RARA: variants seen among roughly 807,000 people sequenced by gnomAD.
RARA encodes PML-DDX5-RARA fusion.
RARA carries 5 observed loss-of-function variants against 42.8 expected under a neutral mutation model. The observed-to-expected ratio is 0.12, with a 90% confidence interval of 0.06 to 0.25. The LOEUF (loss-of-function observed/expected upper bound fraction) is 0.25, where lower values mean the gene tolerates loss of function less well. Ranked by LOEUF, RARA falls within the 10% of genes least tolerant of loss-of-function variation. The pLI is 1.00. For missense variants in RARA, 402 were observed against 628.7 expected, an observed-to-expected ratio of 0.64 and a Z score of 3.86; for synonymous variants, 256 against 259.5, an observed-to-expected ratio of 0.99 and a Z score of 0.13.
chr17:40,313,579 G>GT, intron 1 of RARA, among the ~76,000 whole-genome samples: 1 of 152,236 alleles, frequency 6.6e-6, no homozygotes, highest in East Asian at 1.9e-4. Context: ...GTAGCCACAC[G>GT]TGGTGCATCT....
chr17:40,342,484 G>C, intron 2 of RARA: 1 of 1,280,134 alleles, frequency 7.8e-7, no homozygotes, highest in Non-Finnish European at 9.9e-7. Flanking sequence ...CCCCCTCCCA[G>C]CACACACAAC....
chr17:40,310,998 C>T (rs2033084152), intron 1 of RARA, among the ~76,000 whole-genome samples: 1 of 152,110 alleles, frequency 6.6e-6, no homozygotes, highest in African/African-American at 2.4e-5. Context: ...TAGCTGTTAC[C>T]AGAGCACCTG....
chr17:40,343,035 T>C, intron 2 of RARA: 1 of 1,341,964 alleles, frequency 7.5e-7, no homozygotes, highest in Non-Finnish European at 9.7e-7. Context: ...GGCCGCACCC[T>C]CCCCCCAGTA....
At chr17:40,350,059 G>A in intron 4 of RARA, 134 bp downstream of exon 4, 2 of 1,360,246 alleles carry the variant, frequency 1.5e-6, no homozygotes, top group South Asian at 1.5e-5. Flanking sequence ...CGGGCTCACG[G>A]TTGAGGATGG....
chr17:40,321,680 A>G (rs2033384864), intron 1 of RARA, among the ~76,000 whole-genome samples: 1 of 152,108 alleles, frequency 6.6e-6, no homozygotes, highest in Admixed American at 6.5e-5. Context: ...TCCAGGCACC[A>G]CTGTCAGCCT....
chr17:40,342,490 A>G (rs1055992078), intron 2 of RARA: 114 of 1,291,980 alleles, frequency 8.8e-5, no homozygotes, highest in Admixed American at 1.6e-4. Context: ...CCCAGCACAC[A>G]CAACTTCCCT....
intron 2 of RARA, among the ~76,000 whole-genome samples, chr17:40,336,867 T>G (rs1806365329): frequency 6.6e-6 from 1 of 151,986 alleles, no homozygotes; most frequent in Non-Finnish European, 1.5e-5. Context: ...AGCTAATTTT[T>G]GTATTTTTAG....
chr17:40,352,156 C>T lies in RARA; in HGVS notation c.630+86C>T. On this transcript the variant is annotated intron_variant, in intron 5 of 8. Transcript: ENST00000254066. This position sits in a 1 kb window ranked among gnomAD's most constrained non-coding sequence, Gnocchi z 4.9. ...CCCCTCTCAGGCACCCCTTCTTGTG[C>T]CAGGCAAGATCTCTGCGTCCTTCCC... is the stretch of plus-strand genomic sequence containing the variant. The T allele has an allele frequency of 2.0e-6, 3 of 1,469,214 alleles. No homozygotes were observed. Among genetic ancestry groups the T allele is most frequent in the Non-Finnish European group, 2.7e-6 (3 of 1,114,630 alleles). 91.0% of individuals were successfully genotyped at this position (1,469,214 alleles called of 1,614,324 possible).
At position 40,354,851 on chromosome 17, in the gene RARA, T is replaced by C. The variant is rs1313564856; in HGVS notation, c.1012+345T>C. Among the ~76,000 whole-genome samples, 1 of 152,176 alleles carries C rather than the reference T, an allele frequency of 6.6e-6. No individual in the cohort carries two copies. The highest frequency in any genetic ancestry group is 1.5e-5 in the Non-Finnish European group (1 of 68,034). On this transcript the variant is annotated intron_variant, in intron 7 of 8. Transcript: ENST00000254066. This position sits in a 1 kb window ranked among gnomAD's most constrained non-coding sequence, Gnocchi z 4.5. Reference sequence around the variant, plus strand: ...CTAGCTCATGAAGTTGATGGGAGGATTACGGTGGTAACAGATACTGTGCAG... The same window carrying C: ...CTAGCTCATGAAGTTGATGGGAGGACTACGGTGGTAACAGATACTGTGCAG...
Position 40,354,537 on chromosome 17 carries a change from GC to G in RARA, c.1012+32del. The G allele has an allele frequency of 6.3e-7, 1 of 1,598,832 alleles. No individual in the cohort carries two copies. Among genetic ancestry groups the G allele is most frequent in the Non-Finnish European group, 8.5e-7 (1 of 1,170,114 alleles). On this transcript the variant is annotated intron_variant, in intron 7 of 8. Transcript: ENST00000254066. The surrounding 1 kb of genome is among the most constrained non-coding windows in gnomAD (Gnocchi z 4.5). ...CAGGGGGCCTGGGTCTGGGGGCTGG[GC>G]TGGGACGGGGGTGCAGCCCTGGAGT...
At chr17:40,332,913 G>A (rs1339781411) in intron 2 of RARA, among the ~76,000 whole-genome samples, 5 of 152,280 alleles carry the variant, frequency 3.3e-5, no homozygotes, top group African/African-American at 9.6e-5. Context: ...CTGGGGTTTG[G>A]GGCTACTAGG....
chr17:40,355,168 C>T lies in RARA; in HGVS notation c.1013-95C>T, dbSNP rs923389036. The T allele has an allele frequency of 4.8e-5, 69 of 1,441,026 alleles. No individual in the cohort carries two copies. The highest frequency in any genetic ancestry group is 1.3e-4 in the Admixed American group (5 of 39,588). 89.3% of individuals were successfully genotyped at this position (1,441,026 alleles called of 1,614,324 possible). On this transcript the variant is annotated intron_variant, in intron 7 of 8. Coordinates refer to ENST00000254066, the MANE Select transcript of RARA (RefSeq NM_000964.4). This position sits in a 1 kb window ranked among gnomAD's most constrained non-coding sequence, Gnocchi z 4.1. Reference sequence around the variant, plus strand: ...TGTGGGGAGGCGCCTGCGAGCTGCCCTCCTCCATGGCCTGGGCAGGCACGC... The same window carrying T: ...TGTGGGGAGGCGCCTGCGAGCTGCCTTCCTCCATGGCCTGGGCAGGCACGC...
At position 40,345,504 on chromosome 17, in the gene RARA, C is replaced by T. The variant is rs936375450; in HGVS notation, c.179-2812C>T. On this transcript the variant is annotated intron_variant, in intron 2 of 8. Transcript: ENST00000254066. This position sits in a 1 kb window ranked among gnomAD's most constrained non-coding sequence, Gnocchi z 4.8. ...GAACGGCTCGGGGGCGTGGGGAATC[C>T]GGAGTGGAGCGCTCTGCGCCGCCCG... 2.0e-5 allele frequency among the ~76,000 whole-genome samples: 3 copies of T among 152,188 alleles called. No homozygotes were observed. Among genetic ancestry groups the T allele is most frequent in the African/African-American group, 7.2e-5 (3 of 41,454 alleles).
intron 2 of RARA, chr17:40,342,324 G>A (rs2143391743): frequency 1.9e-6 from 2 of 1,072,842 alleles, no homozygotes; most frequent in South Asian, 4.2e-5. Context: ...TTGACCCCCA[G>A]CCCCGCGCTG....
intron 2 of RARA, chr17:40,342,487 C>A: frequency 1.6e-6 from 2 of 1,290,184 alleles, no homozygotes; most frequent in Non-Finnish European, 2.0e-6. Flanking sequence ...CCTCCCAGCA[C>A]ACACAACTTC....
intron 1 of RARA, among the ~76,000 whole-genome samples, chr17:40,319,102 G>T (rs895741655): frequency 2.6e-5 from 4 of 152,316 alleles, no homozygotes; most frequent in African/African-American, 9.6e-5. Flanking sequence ...TCTGCTGAGG[G>T]TGTCTGGGAC....
At chr17:40,321,830 C>G (rs548274963) in intron 1 of RARA, among the ~76,000 whole-genome samples, 1 of 152,180 alleles carries the variant, frequency 6.6e-6, no homozygotes, top group African/African-American at 2.4e-5. Flanking sequence ...TCCACCCCCC[C>G]AACTGGATAT....
At chr17:40,350,674 C>A (rs1460178390) in intron 4 of RARA, 1 of 152,064 alleles carries the variant, frequency 6.6e-6, no homozygotes, top group Non-Finnish European at 1.5e-5. Context: ...GGCTGCAGGA[C>A]CCCCTAGCCC....
At chr17:40,324,046 C>G (rs1003722302) in intron 1 of RARA, among the ~76,000 whole-genome samples, 13 of 152,068 alleles carry the variant, frequency 8.5e-5, no homozygotes, top group Non-Finnish European at 1.9e-4. Flanking sequence ...GCTGTCCCCC[C>G]ATTGTGAGAG....
Sources: gnomAD v4.1 joint callset for allele counts (sites outside exome capture counted in the v4.1 genomes callset) on GRCh38, gnomAD v4.1.1 for gene constraint, Gnocchi (gnomAD v3.1) non-coding constraint, MANE v1.5 for transcripts, NCBI Gene and HGNC (gene_info 2026-07-23, HGNC 2026-07-21) for gene names.